PRORP: variants seen among roughly 807,000 people sequenced by gnomAD.
PRORP encodes the protein protein only RNase P catalytic subunit, also known as mitochondrial ribonuclease P catalytic subunit.
A neutral mutation model predicts 59.4 loss-of-function variants in PRORP; 51 were observed. The ratio of observed to expected loss-of-function variants is 0.86; its 90% CI spans 0.69 to 1.08. PRORP has a LOEUF of 1.08. Among genes scored for constraint, PRORP ranks in the 50% least tolerant of loss-of-function variants. The probability of loss-of-function intolerance (pLI) is 0.00; values close to 1 mark genes in which losing one functional copy is unlikely to be tolerated. For synonymous variants in PRORP, 231 were observed against 245.6 expected (o/e 0.94, Z 0.55); for missense variants, 646 against 690.3 (o/e 0.94, Z 0.72).
chr14:35,226,594 G>A (rs994921743), intron 5 of PRORP, among the ~76,000 whole-genome samples: 1 of 152,088 alleles, frequency 6.6e-6, no homozygotes, highest in African/African-American at 2.4e-5. Flanking sequence ...GTGATGGGTT[G>A]GGGGGAGTAA....
intron 5 of PRORP, among the ~76,000 whole-genome samples, chr14:35,250,718 T>G (rs949799985): frequency 5.9e-5 from 9 of 152,130 alleles, no homozygotes; most frequent in African/African-American, 2.2e-4. Context: ...AACCACCTTA[T>G]CAAATAGGCC....
intron 5 of PRORP, among the ~76,000 whole-genome samples, chr14:35,183,170 G>C (rs777513436): frequency 2.6e-5 from 4 of 151,804 alleles, no homozygotes; most frequent in Non-Finnish European, 5.9e-5. Context: ...TGTTAGATAA[G>C]TTTGTGTGTG....
At chr14:35,205,939 C>A (rs1442207644) in intron 5 of PRORP, among the ~76,000 whole-genome samples, 1 of 152,162 alleles carries the variant, frequency 6.6e-6, no homozygotes, top group Admixed American at 6.5e-5. Flanking sequence ...TATGTTCTCT[C>A]TAAGAAGCTT....
chr14:35,129,513 C>T (rs866734122), intron 4 of PRORP, among the ~76,000 whole-genome samples: 104 of 148,120 alleles, frequency 7.0e-4, no homozygotes, highest in African/African-American at 2.4e-3. Flanking sequence ...ATTGCTCTGT[C>T]GCCCAGGCTA....
chr14:35,254,760 T>C (rs2050707042), intron 5 of PRORP, among the ~76,000 whole-genome samples: 1 of 152,152 alleles, frequency 6.6e-6, no homozygotes, highest in African/African-American at 2.4e-5. Context: ...TTATACAACT[T>C]ATAAAGACCC....
chr14:35,172,413 T>TTTTCTTCCTTCC (rs2048332998), intron 4 of PRORP, among the ~76,000 whole-genome samples: 1 of 77,548 alleles, frequency 1.3e-5, no homozygotes, highest in African/African-American at 4.8e-5. Context: ...GGTTTCTTTC[T>TTTTCTTCCTTCC]TTCCTTCCTT....
At chr14:35,212,235 A>T (rs2049466828) in intron 5 of PRORP, among the ~76,000 whole-genome samples, 1 of 152,172 alleles carries the variant, frequency 6.6e-6, no homozygotes. Context: ...CCACCAAGCC[A>T]TCCATGAGTA....
rs2050507509 is a variant in PRORP at position 35,247,179 on chromosome 14, T to A, written c.1276-19548T>A. On this transcript the variant is annotated intron_variant, in intron 5 of 7. Transcript: ENST00000534898. ...TAATTATGATTATTGAACTATTAAG[T>A]AATAGAAGTTGGAAAGGTCTCTATT... Among the ~76,000 whole-genome samples, 3 of 152,202 alleles carry A rather than the reference T, an allele frequency of 2.0e-5. No individual in the cohort carries two copies. In the South Asian group the frequency reaches 6.2e-4, roughly 31 times the overall value.
intron 7 of PRORP, among the ~76,000 whole-genome samples, chr14:35,273,001 C>A (rs753185037): frequency 1.1e-4 from 17 of 152,104 alleles, no homozygotes; most frequent in Non-Finnish European, 1.6e-4. Flanking sequence ...GAAAAAAAGT[C>A]TGTACATGTT....
chr14:35,201,257 CTT>C (rs902834585), intron 5 of PRORP, among the ~76,000 whole-genome samples: 17 of 152,158 alleles, frequency 1.1e-4, no homozygotes, highest in African/African-American at 4.1e-4. Flanking sequence ...TAAAGTTACT[CTT>C]TTTTTTCCCC....
intron 7 of PRORP, among the ~76,000 whole-genome samples, chr14:35,271,265 C>A (rs1271939291): frequency 6.8e-6 from 1 of 147,802 alleles, no homozygotes; most frequent in Non-Finnish European, 1.5e-5. Flanking sequence ...TTCAAGCGAT[C>A]CTCCTGCCTC....
At chr14:35,202,324 G>A (rs2049176980) in intron 5 of PRORP, among the ~76,000 whole-genome samples, 1 of 152,082 alleles carries the variant, frequency 6.6e-6, no homozygotes, top group African/African-American at 2.4e-5. Context: ...ATCTTTGAAA[G>A]AAAAATGCTG....
chr14:35,133,986 T>C (rs1328884521), intron 4 of PRORP, among the ~76,000 whole-genome samples: 1 of 152,212 alleles, frequency 6.6e-6, no homozygotes, highest in East Asian at 1.9e-4. Context: ...CCCTGGCTAC[T>C]GTCTGTGTTC....
intron 5 of PRORP, among the ~76,000 whole-genome samples, chr14:35,234,102 G>C (rs955302847): frequency 6.6e-6 from 1 of 152,108 alleles, no homozygotes; most frequent in Non-Finnish European, 1.5e-5. Flanking sequence ...ATGTCAAGAC[G>C]CATCTTTCAA....
At chr14:35,122,245 A>G (rs920476391), upstream of PRORP, 4 of 439,748 alleles carry the variant, frequency 9.1e-6, no homozygotes, top group African/African-American at 7.9e-5. Context: ...AAAGGCCACG[A>G]TAAGCCCGCG....
intron 6 of PRORP, among the ~76,000 whole-genome samples, chr14:35,269,005 A>G (rs559047227): frequency 2.6e-5 from 4 of 152,180 alleles, no homozygotes; most frequent in Non-Finnish European, 5.9e-5. Flanking sequence ...TAGCTGGAAG[A>G]TGGTGCTTCC....
chr14:35,223,252 C>T (rs77994572), intron 5 of PRORP, among the ~76,000 whole-genome samples: 1 of 150,740 alleles, frequency 6.6e-6, no homozygotes. Flanking sequence ...CAGAATGAAA[C>T]CTCTCCCCAA....
intron 5 of PRORP, among the ~76,000 whole-genome samples, chr14:35,193,558 A>T (rs1195188477): frequency 2.0e-5 from 3 of 151,628 alleles, no homozygotes; most frequent in Non-Finnish European, 4.4e-5. Context: ...CCTCTTGTAA[A>T]AGTTTCAATA....
intron 7 of PRORP, among the ~76,000 whole-genome samples, chr14:35,271,999 C>G (rs1425133059): frequency 6.6e-6 from 1 of 150,888 alleles, no homozygotes; most frequent in East Asian, 2.0e-4. Context: ...GCTATCCAGC[C>G]TGGGTGACAG....
Sources: gnomAD v4.1 joint callset for allele counts (sites outside exome capture counted in the v4.1 genomes callset) on GRCh38, gnomAD v4.1.1 for gene constraint, MANE v1.5 for transcripts, NCBI Gene and HGNC (gene_info 2026-07-23, HGNC 2026-07-21) for gene names.